Variants in AMBP observed in about 807,000 individuals in gnomAD.
AMBP encodes the protein alpha-1-microglobulin/bikunin precursor.
Under a neutral mutation model 46.3 loss-of-function variants are expected in AMBP, and 37 were observed. That is an observed-to-expected ratio of 0.80 (90% CI 0.61 to 1.05). The LOEUF (loss-of-function observed/expected upper bound fraction) is 1.05. Among genes scored for constraint, AMBP ranks in the 50% least tolerant of loss-of-function variants. AMBP has a pLI of 0.00. For missense variants in AMBP, 475 were observed against 461.2 expected, an observed-to-expected ratio of 1.03 and a Z score of -0.27; for synonymous variants, 174 against 175.9, an observed-to-expected ratio of 0.99 and a Z score of 0.09.
At chr9:114,060,826 C>G in intron 9 of AMBP, 99 bp downstream of exon 9, 3 of 1,369,678 alleles carry the variant, frequency 2.2e-6, no homozygotes, top group Non-Finnish European at 3.0e-6. Flanking sequence ...GGTACAGAGT[C>G]CAGAACTCAG....
rs145646258 is a variant in AMBP at position 114,061,268 on chromosome 9, A to G, written c.853+156T>C. The G allele has an allele frequency of 2.7e-4, 386 of 1,417,016 alleles. 1 individual carries two copies. In the African/African-American group the frequency reaches 4.3e-3, roughly 16 times the overall value. The allele number at this position is 1,417,016 out of a possible 1,614,324, so 87.8% of individuals were successfully genotyped here. Reference sequence around the variant, plus strand: ...GAAAATGATTTGCCCGAGGTCCTCCACATCCAAAGGTGGAATTCCTAAGAT... The same window carrying G: ...GAAAATGATTTGCCCGAGGTCCTCCGCATCCAAAGGTGGAATTCCTAAGAT... On this transcript the variant is annotated intron_variant, in intron 8 of 9. Coordinates refer to ENST00000265132, the MANE Select transcript of AMBP (RefSeq NM_001633.4).
intron 2 of AMBP, 23 bp from the exon 3 acceptor site, chr9:114,075,059 G>C: frequency 6.2e-7 from 1 of 1,603,284 alleles, no homozygotes; most frequent in African/African-American, 1.3e-5. Flanking sequence ...AAATCAAAAG[G>C]AAGGTCACTC....
At chr9:114,076,929 TAAGAG>T (rs1284062633) in intron 1 of AMBP, among the ~76,000 whole-genome samples, 189 bp from the exon 2 acceptor site, 1 of 152,140 alleles carries the variant, frequency 6.6e-6, no homozygotes, top group Non-Finnish European at 1.5e-5. Context: ...GCCAGATCCC[TAAGAG>T]TGGCGTTTCA....
chr9:114,067,363 G>A (rs879550924), intron 6 of AMBP, among the ~76,000 whole-genome samples: 4 of 152,020 alleles, frequency 2.6e-5, no homozygotes, highest in Non-Finnish European at 4.4e-5. Context: ...TCAGCCTCCC[G>A]ATTTGCTGGG....
intron 7 of AMBP, among the ~76,000 whole-genome samples, chr9:114,061,912 C>T (rs1258808036): frequency 6.6e-6 from 1 of 152,028 alleles, no homozygotes; most frequent in African/African-American, 2.4e-5. Context: ...ACATATGTAC[C>T]AGCACCCACA....
chr9:114,061,668 C>CCATCT (rs1461506664), intron 7 of AMBP, 77 bp from the exon 8 acceptor site: 4 of 1,419,494 alleles, frequency 2.8e-6, no homozygotes, highest in Non-Finnish European at 3.8e-6. Context: ...TTGATATGCG[C>CCATCT]CATCTCATTT....
rs767972904 is a variant in AMBP at position 114,074,008 on chromosome 9, A to G, written c.454+28T>C. On this transcript the variant is annotated intron_variant, in intron 4 of 9. Transcript: ENST00000265132. ...CAATGTCCTCCCACCCTTAACTCCA[A>G]TGGGCACATCTAGTAATGAGCCTTT... 15 of 1,600,942 alleles carry G rather than the reference A, an allele frequency of 9.4e-6. No individual in the cohort carries two copies. In the Admixed American group the frequency reaches 2.2e-4, roughly 23 times the overall value.
At chr9:114,062,843 A>G in intron 6 of AMBP, 85 bp from the exon 7 acceptor site, 3 of 1,372,588 alleles carry the variant, frequency 2.2e-6, no homozygotes, top group South Asian at 2.3e-5. Context: ...TAAATGAACA[A>G]CTTGCTTTGG....
At chr9:114,067,004 G>A (rs1408820447) in intron 6 of AMBP, among the ~76,000 whole-genome samples, 6 of 151,962 alleles carry the variant, frequency 3.9e-5, no homozygotes, top group Non-Finnish European at 7.4e-5. Flanking sequence ...GCAATGGCGC[G>A]ATCACGGCTC....
intron 6 of AMBP, among the ~76,000 whole-genome samples, chr9:114,064,730 G>C (rs1846676526): frequency 6.6e-6 from 1 of 151,714 alleles, no homozygotes; most frequent in Non-Finnish European, 1.5e-5. Context: ...CTCAAGGAAA[G>C]GATCCCAACT....
intron 6 of AMBP, among the ~76,000 whole-genome samples, chr9:114,065,697 C>T (rs1462741486): frequency 6.6e-6 from 1 of 151,784 alleles, no homozygotes; most frequent in Non-Finnish European, 1.5e-5. Flanking sequence ...ATAAAACACC[C>T]AGATCTTACA....
chr9:114,062,611 G>A (rs1456581559), intron 7 of AMBP, 66 bp downstream of exon 7: 1 of 1,518,162 alleles, frequency 6.6e-7, no homozygotes, highest in African/African-American at 1.4e-5. Context: ...TAGCCAGGGT[G>A]AGCCAACTGT....
At chr9:114,069,877 C>T (rs1846726922) in intron 5 of AMBP, 132 bp from the exon 6 acceptor site, 2 of 888,330 alleles carry the variant, frequency 2.3e-6, no homozygotes, top group Non-Finnish European at 3.6e-6. Context: ...ATGAATGGTC[C>T]TGCCTGTGTG....
At chr9:114,073,890 G>T in intron 4 of AMBP, 146 bp downstream of exon 4, 1 of 743,092 alleles carries the variant, frequency 1.3e-6, no homozygotes, top group Non-Finnish European at 2.4e-6. Flanking sequence ...CTCCTCCAGG[G>T]AGACTCAGTG....
chr9:114,070,445 G>A (rs966911621), intron 5 of AMBP, among the ~76,000 whole-genome samples: 4 of 152,226 alleles, frequency 2.6e-5, no homozygotes, highest in East Asian at 1.9e-4. Context: ...CCATCACTGC[G>A]GAGAGGTCAT....
At chr9:114,063,712 A>C (rs1043831983) in intron 6 of AMBP, among the ~76,000 whole-genome samples, 1 of 152,208 alleles carries the variant, frequency 6.6e-6, no homozygotes, top group Non-Finnish European at 1.5e-5. Flanking sequence ...AAAACAACAA[A>C]AAAAAGATGA....
At chr9:114,068,917 T>C (rs1348691321) in intron 6 of AMBP, among the ~76,000 whole-genome samples, 1 of 151,884 alleles carries the variant, frequency 6.6e-6, no homozygotes, top group Non-Finnish European at 1.5e-5. Flanking sequence ...ATGGTCATTT[T>C]CTTTTAAAAT....
In AMBP at chr9:114,061,569, C is replaced by T. The variant is rs891561603; in HGVS notation, c.708G>A (p.Ser236=). ...TGGTCATTCCCATGCAGGGACCGGC[C>T]GAGTAGCCCAGCTGGCAGGAATCTA... is the stretch of plus-strand genomic sequence containing the variant. ...KKEDSCQLGY[S]AGPCMGMTSR... The change falls in exon 8 of 10, where the codon TCG becomes TCA. Residue 236 remains serine (S), a synonymous_variant. Coordinates refer to ENST00000265132, the MANE Select transcript of AMBP (RefSeq NM_001633.4). 1.1e-5 allele frequency: 17 copies of T among 1,604,518 alleles called. No individual in the cohort carries two copies. Among genetic ancestry groups the T allele is most frequent in the Middle Eastern group, 1.8e-4 (1 of 5,682 alleles).
rs150141433 is a variant in AMBP, at chr9:114,060,930, C to G, written c.1022G>C (p.Gly341Ala). The G allele has an allele frequency of 5.6e-6, 9 of 1,613,262 alleles. No homozygotes were observed. In the African/African-American group the frequency reaches 9.3e-5, roughly 17 times the overall value. ...KECREYCGVPGDGDEELLRFS... is the reference protein window; with the variant it reads ...KECREYCGVPADGDEELLRFS... The stretch of plus-strand genomic sequence containing the variant: ...CACCCTGCAGGGCTGCCTACCATCA[C>G]CAGGGACACCGCAGTACTCTCTGCA... The change falls in exon 9 of 10, where the codon GGT (glycine) becomes GCT (alanine). Residue 341 changes from glycine to alanine, a missense_variant. By Grantham distance (60) the Gly-to-Ala change is moderately conservative (BLOSUM62 0). Transcript: ENST00000265132.
Sources: gnomAD v4.1 joint callset for allele counts (sites outside exome capture counted in the v4.1 genomes callset) on GRCh38, gnomAD v4.1.1 for gene constraint, MANE v1.5 for transcripts, NCBI Gene and HGNC (gene_info 2026-07-23, HGNC 2026-07-21) for gene names.